Variants in FSIP2 observed in about 807,000 individuals in gnomAD.
FSIP2 encodes the protein fibrous sheath interacting protein 2.
Under a neutral mutation model 510.5 loss-of-function variants are expected in FSIP2, and 367 were observed. The ratio of observed to expected loss-of-function variants is 0.72; its 90% CI spans 0.66 to 0.78. The LOEUF is 0.78. Among genes scored for constraint, FSIP2 ranks in the 30% least tolerant of loss-of-function variants. The pLI is 0.00. For synonymous variants in FSIP2, 2,601 were observed against 2,732.2 expected (o/e 0.95, Z 1.50); for missense variants, 7,594 against 7,901.7 (o/e 0.96, Z 1.48).
intron 9 of FSIP2, among the ~76,000 whole-genome samples, chr2:185,758,627 C>T (rs1489631615): frequency 4.0e-5 from 6 of 151,042 alleles, no homozygotes; most frequent in Non-Finnish European, 3.0e-5. Context: ...CCAGTGGAAG[C>T]ACCTTTGTTA....
chr2:185,790,481 G>A lies in FSIP2; in HGVS notation c.3345G>A (p.Lys1115=), dbSNP rs1194279311. Residue 1115 remains lysine (K), a synonymous_variant, in exon 16 of 23, where the codon AAG becomes AAA. Transcript: ENST00000424728. ...AAAACATAGTCACAAGTATTTTAAA[G>A]GAAATGCTCAAGGACATATCTTCCG... is the stretch of plus-strand genomic sequence containing the variant. ...ASENIVTSIL[K]EMLKDISSVP... The A allele has an allele frequency of 5.9e-6, 9 of 1,534,110 alleles. No homozygotes were observed. The highest frequency in any genetic ancestry group is 3.9e-5 in the Admixed American group (2 of 50,838).
chr2:185,807,073 A>C lies in FSIP2; in HGVS notation c.17767A>C (p.Asn5923His). The C allele has an allele frequency of 6.3e-7, 1 of 1,589,870 alleles. No individual in the cohort carries two copies. Among genetic ancestry groups the C allele is most frequent in the Admixed American group, 1.8e-5 (1 of 54,680 alleles). Residue 5923 changes from asparagine to histidine, a missense_variant, in exon 17 of 23, where the codon AAT becomes CAT. By Grantham distance (68) the Asn-to-His change is moderately conservative. Transcript: ENST00000424728. ...TAAAGTTGTTCACTCCTCTGTTTGT[A>C]ATATTTTAAATGACTATGGATCTCA... is the stretch of plus-strand genomic sequence containing the variant. ...VNKVVHSSVCNILNDYGSQDS... is the reference protein window; with the variant it reads ...VNKVVHSSVCHILNDYGSQDS...
intron 21 of FSIP2, among the ~76,000 whole-genome samples, chr2:185,830,733 T>G (rs2105691986): frequency 6.6e-6 from 1 of 151,962 alleles, no homozygotes; most frequent in African/African-American, 2.4e-5. Flanking sequence ...TTGGTTAAAC[T>G]TATGGATACA....
At chr2:185,755,810 A>T (rs1416309427) in intron 8 of FSIP2, among the ~76,000 whole-genome samples, 1 of 151,520 alleles carries the variant, frequency 6.6e-6, no homozygotes, top group Non-Finnish European at 1.5e-5. Context: ...ATATATGTGC[A>T]TTTGCTTATG....
Position 185,802,718 on chromosome 2 carries a change from A to G in FSIP2, c.13412A>G (p.Asp4471Gly). The change falls in exon 17 of 23, where the codon GAT becomes GGT. Residue 4471 changes from aspartate to glycine, a missense_variant. By Grantham distance (94) the Asp-to-Gly change is moderately conservative (BLOSUM62 -1). Coordinates refer to ENST00000424728, the MANE Select transcript of FSIP2 (RefSeq NM_173651.4). ...NTLLPYTFLE[D>G]MIRVLLSKLF... ...TTGCTGCCATACACATTTTTAGAAG[A>G]TATGATCAGAGTACTATTATCTAAA... is the stretch of plus-strand genomic sequence containing the variant. 1 of 1,523,796 alleles carries G rather than the reference A, an allele frequency of 6.6e-7. No individual in the cohort carries two copies. The highest frequency in any genetic ancestry group is 8.8e-7 in the Non-Finnish European group (1 of 1,141,960). 94.4% of individuals were successfully genotyped at this position (1,523,796 alleles called of 1,614,324 possible). A position where few individuals can be genotyped will look rare whatever the true frequency, so the allele number is the denominator to read the frequency against.
At chr2:185,776,645 T>C (rs1289253031) in intron 13 of FSIP2, among the ~76,000 whole-genome samples, 1 of 152,196 alleles carries the variant, frequency 6.6e-6, no homozygotes, top group Admixed American at 6.5e-5. Flanking sequence ...ATTTTCTTTA[T>C]AGCAAAATAT....
chr2:185,785,281 A>G (rs1255943328), intron 14 of FSIP2, among the ~76,000 whole-genome samples: 1 of 152,096 alleles, frequency 6.6e-6, no homozygotes, highest in African/African-American at 2.4e-5. Context: ...CTAGTTGAAT[A>G]CTGCCAAAAG....
intron 13 of FSIP2, among the ~76,000 whole-genome samples, chr2:185,775,189 G>T (rs1692692773): frequency 7.0e-6 from 1 of 143,518 alleles, no homozygotes; most frequent in African/African-American, 2.6e-5. Context: ...CTAGTTTACA[G>T]TCCCACCAAC....
Position 185,805,427 on chromosome 2 carries a change from G to GT in FSIP2, c.16122dup (p.Asn5375Ter). On this transcript the variant is annotated frameshift_variant, in exon 17 of 23. Coordinates refer to ENST00000424728, the MANE Select transcript of FSIP2 (RefSeq NM_173651.4). LOFTEE classifies it high-confidence loss of function. ...CATGATATTCAAAAAGGTGATGAAA[G>GT]TAACATTGCTATAGGGATGATTGCT... is the stretch of plus-strand genomic sequence containing the variant. The GT allele has an allele frequency of 6.2e-7, 1 of 1,605,282 alleles. No homozygotes were observed. Among genetic ancestry groups the GT allele is most frequent in the Non-Finnish European group, 8.5e-7 (1 of 1,176,592 alleles).
In FSIP2 at chr2:185,756,205, TAAA is replaced by T; in HGVS notation, c.1008_1010del (p.Lys338del). 1 of 1,286,564 alleles carries T rather than the reference TAAA, an allele frequency of 7.8e-7. No individual in the cohort carries two copies. 79.7% of individuals were successfully genotyped at this position (1,286,564 alleles called of 1,614,324 possible). On this transcript the variant is annotated inframe_deletion, in exon 9 of 23. Transcript: ENST00000424728. ...TATTTCTTTAAGCTTCTCCAAAGAA[TAAA>T]AAGAAGACTTCTGAAGATATAATGT... is the stretch of plus-strand genomic sequence containing the variant.
At chr2:185,809,860 G>A (rs767754778) in intron 17 of FSIP2, among the ~76,000 whole-genome samples, 11 of 151,744 alleles carry the variant, frequency 7.2e-5, no homozygotes, top group African/African-American at 2.2e-4. Flanking sequence ...TATTTTAACC[G>A]GGAATTTAAA....
chr2:185,804,989 T>G lies in FSIP2; in HGVS notation c.15683T>G (p.Met5228Arg). ...SFLSKLAGFI[M>R]KEIMYHHLQP... ...CTCAGTAAATTAGCTGGTTTTATTA[T>G]GAAAGAAATCATGTATCATCATTTA... Residue 5228 changes from methionine to arginine, a missense_variant, in exon 17 of 23, where the codon ATG becomes AGG. Met to Arg is a moderately conservative substitution (Grantham distance 91). Coordinates refer to ENST00000424728, the MANE Select transcript of FSIP2 (RefSeq NM_173651.4). 6.4e-7 allele frequency: 1 copy of G among 1,563,626 alleles called. No homozygotes were observed. The highest frequency in any genetic ancestry group is 8.6e-7 in the Non-Finnish European group (1 of 1,159,802).
Position 185,792,968 on chromosome 2 carries a change from C to A in FSIP2, c.5832C>A (p.Val1944=). 1 of 1,534,244 alleles carries A rather than the reference C, an allele frequency of 6.5e-7. No homozygotes were observed. Among genetic ancestry groups the A allele is most frequent in the South Asian group, 1.2e-5 (1 of 84,008 alleles). Residue 1944 remains valine (V), a synonymous_variant, in exon 16 of 23, where the codon GTC becomes GTA. Coordinates refer to ENST00000424728, the MANE Select transcript of FSIP2 (RefSeq NM_173651.4). Reference sequence around the variant, plus strand: ...TAAAATCTCTCTTTTATTCTCAAGTCAACTTTACAGTTCCAGTGGCTTTAC... The same window carrying A: ...TAAAATCTCTCTTTTATTCTCAAGTAAACTTTACAGTTCCAGTGGCTTTAC... ...SKVKSLFYSQ[V]NFTVPVALPI... is the part of the protein sequence containing the mutation.
chr2:185,800,213 T>G lies in FSIP2; in HGVS notation c.10907T>G (p.Met3636Arg). ...AATGTAAGAAACAAATCATTTTCTA[T>G]GCATAGAAATAATAGTGTACCCCTT... ...ESNVRNKSFS[M>R]HRNNSVPLCN... The change falls in exon 17 of 23, where the codon ATG (methionine) becomes AGG (arginine). Residue 3636 changes from methionine to arginine, a missense_variant. By Grantham distance (91) the Met-to-Arg change is moderately conservative. Coordinates refer to ENST00000424728, the MANE Select transcript of FSIP2 (RefSeq NM_173651.4). 6.5e-7 allele frequency: 1 copy of G among 1,532,412 alleles called. No individual in the cohort carries two copies. Among genetic ancestry groups the G allele is most frequent in the Non-Finnish European group, 8.7e-7 (1 of 1,144,872 alleles). 94.9% of individuals were successfully genotyped at this position (1,532,412 alleles called of 1,614,324 possible). A position where few individuals can be genotyped will look rare whatever the true frequency, so the allele number is the denominator to read the frequency against.
intron 13 of FSIP2, chr2:185,765,619 T>C (rs952431579): frequency 3.3e-5 from 5 of 152,062 alleles, no homozygotes; most frequent in East Asian, 1.9e-4. Flanking sequence ...ATTGAATTGG[T>C]GATGCGGGCT....
In FSIP2 at chr2:185,808,618, G is replaced by T; in HGVS notation, c.19312G>T (p.Glu6438Ter). The T allele has an allele frequency of 1.2e-6, 2 of 1,602,686 alleles. No individual in the cohort carries two copies. The highest frequency in any genetic ancestry group is 1.7e-6 in the Non-Finnish European group (2 of 1,174,994). The change falls in exon 17 of 23, where the codon GAA (glutamate) becomes TAA (stop). Residue 6438 changes from glutamate (E) to a stop codon, truncating the protein, a stop_gained. Transcript: ENST00000424728. LOFTEE classifies it high-confidence loss of function. ...NILQQSGTNK[E>*]FYYDIKDTNT... ...ACTGCAACAATCAGGAACCAACAAA[G>T]AATTTTATTATGATATAAAAGATAC...
At chr2:185,750,954 T>C (rs1478840582) in intron 7 of FSIP2, among the ~76,000 whole-genome samples, 1 of 151,592 alleles carries the variant, frequency 6.6e-6, no homozygotes, top group Non-Finnish European at 1.5e-5. Flanking sequence ...AAAAGACTTT[T>C]ATTTCCCAAA....
intron 8 of FSIP2, among the ~76,000 whole-genome samples, chr2:185,754,273 A>C (rs1692200687): frequency 6.6e-6 from 1 of 151,452 alleles, no homozygotes; most frequent in Non-Finnish European, 1.5e-5. Flanking sequence ...CAAAGGAGGA[A>C]TGGCTTTGTT....
intron 15 of FSIP2, among the ~76,000 whole-genome samples, chr2:185,787,396 T>TA (rs1693014624): frequency 6.6e-6 from 1 of 151,688 alleles, no homozygotes; most frequent in Admixed American, 6.6e-5. Context: ...GTGCTACATA[T>TA]ATGTTAACTT....
Sources: gnomAD v4.1 joint callset for allele counts (sites outside exome capture counted in the v4.1 genomes callset) on GRCh38, gnomAD v4.1.1 for gene constraint, MANE v1.5 for transcripts, NCBI Gene and HGNC (gene_info 2026-07-23, HGNC 2026-07-21) for gene names.